The following RDX variants were observed in gnomAD, a reference collection of about 807,000 sequenced individuals.
The protein encoded by RDX is radixin.
RDX carries 32 observed loss-of-function variants against 83.7 expected under a neutral mutation model. That is an observed-to-expected ratio of 0.38 (90% CI 0.29 to 0.51). The LOEUF (loss-of-function observed/expected upper bound fraction) is 0.51, where lower values mean the gene tolerates loss of function less well. Ranked by LOEUF, RDX falls within the 20% of genes least tolerant of loss-of-function variation. RDX has a pLI of 0.87. For synonymous variants in RDX, 229 were observed against 222.7 expected (o/e 1.03, Z -0.25); for missense variants, 600 against 689.9 (o/e 0.87, Z 1.46).
rs886047645 is a variant in RDX, at chr11:110,231,406, T to C, written c.*463A>G. 4 of 219,038 alleles carry C rather than the reference T, an allele frequency of 1.8e-5. No homozygotes were observed. In the East Asian group the frequency reaches 3.2e-4, roughly 18 times the overall value. 13.6% of individuals were successfully genotyped at this position (219,038 alleles called of 1,614,324 possible). A position where few individuals can be genotyped will look rare whatever the true frequency, so the allele number is the denominator to read the frequency against. On this transcript the variant is annotated 3_prime_UTR_variant, in exon 14 of 14. Transcript: ENST00000645495. Reference sequence around the variant, plus strand: ...CCTGATCTGTATGATGGTGGAATTATGGCTATGGACATGGCAGATAAGAGA... The same window carrying C: ...CCTGATCTGTATGATGGTGGAATTACGGCTATGGACATGGCAGATAAGAGA...
intron 3 of RDX, among the ~76,000 whole-genome samples, chr11:110,266,257 C>T (rs1334874440): frequency 6.6e-6 from 1 of 151,688 alleles, no homozygotes; most frequent in African/African-American, 2.4e-5. Flanking sequence ...GGCGTGAACC[C>T]GGGAAGCGGA....
intron 1 of RDX, among the ~76,000 whole-genome samples, chr11:110,280,853 A>G (rs966272194): frequency 1.3e-5 from 2 of 151,222 alleles, no homozygotes; most frequent in Non-Finnish European, 2.9e-5. Context: ...AAAAAATGTT[A>G]TTGATTGCTG....
downstream of RDX, among the ~76,000 whole-genome samples, chr11:110,228,643 A>G (rs1864508943): frequency 6.6e-6 from 1 of 151,968 alleles, no homozygotes; most frequent in Non-Finnish European, 1.5e-5. Flanking sequence ...AATTATTTTC[A>G]TTTCTAAAAA....
chr11:110,201,903 TTGTGTGTGTGTG>T lies in RDX; in HGVS notation c.1749-2237_1749-2226del, dbSNP rs141731309. ...CACATGCCACCACATCCGGCTAATT[TTGTGTGTGTGTG>T]TGTGTGTGTGTGTGTGTGTGTGTGT... On this transcript the variant is annotated intron_variant, in intron 14 of 15. Coordinates refer to the RDX transcript ENST00000528498. 7.0e-3 allele frequency among the ~76,000 whole-genome samples: 956 copies of T among 137,306 alleles called. 2 individuals carry two copies. Among genetic ancestry groups the T allele is most frequent in the African/African-American group, 0.012 (433 of 37,578 alleles). 90.1% of individuals were successfully genotyped at this position (137,306 alleles called of 152,430 possible).
At chr11:110,211,061 G>T (rs1026306085) in intron 14 of RDX, among the ~76,000 whole-genome samples, 1 of 152,278 alleles carries the variant, frequency 6.6e-6, no homozygotes, top group South Asian at 2.1e-4. Flanking sequence ...TGGATAAAGA[G>T]TCAAGACCCA....
chr11:110,216,561 A>G (rs1345079338), intron 14 of RDX, among the ~76,000 whole-genome samples: 1 of 144,908 alleles, frequency 6.9e-6, no homozygotes, highest in African/African-American at 2.6e-5. Flanking sequence ...TTTTTTAAAT[A>G]GAGAGGAGGT....
intron 15 of RDX, among the ~76,000 whole-genome samples, chr11:110,183,576 T>G (rs11213294): frequency 2.6e-5 from 4 of 152,126 alleles, no homozygotes; most frequent in Non-Finnish European, 4.4e-5. Flanking sequence ...CTTCTGCCTC[T>G]GCCTCCCAAA....
intron 15 of RDX, among the ~76,000 whole-genome samples, chr11:110,189,286 A>G (rs1056158291): frequency 7.0e-6 from 1 of 143,078 alleles, no homozygotes; most frequent in Non-Finnish European, 1.5e-5. Context: ...GCATTACATA[A>G]TGACAAAGGG....
intron 15 of RDX, among the ~76,000 whole-genome samples, chr11:110,181,307 C>G (rs941448161): frequency 2.0e-5 from 3 of 152,124 alleles, no homozygotes; most frequent in African/African-American, 7.2e-5. Context: ...GGATTATAGG[C>G]ACCCGCCACC....
At chr11:110,199,944 A>G (rs1863345018) in intron 14 of RDX, among the ~76,000 whole-genome samples, 1 of 152,206 alleles carries the variant, frequency 6.6e-6, no homozygotes, top group South Asian at 2.1e-4. Flanking sequence ...TAGACTTCAA[A>G]TAGTGCAGCA....
chr11:110,258,730 C>A (rs1260419163), intron 5 of RDX, among the ~76,000 whole-genome samples: 1 of 152,186 alleles, frequency 6.6e-6, no homozygotes, highest in African/African-American at 2.4e-5. Flanking sequence ...TTTTTTGCTA[C>A]TAATTTTGTT....
chr11:110,219,214 C>CA (rs1201222486), intron 14 of RDX, among the ~76,000 whole-genome samples: 1 of 152,118 alleles, frequency 6.6e-6, no homozygotes, highest in Non-Finnish European at 1.5e-5. Flanking sequence ...AAGTGTCTTC[C>CA]AAGCTGAGTA....
At chr11:110,279,597 A>C in intron 2 of RDX, 84 bp downstream of exon 2, 1 of 921,882 alleles carries the variant, frequency 1.1e-6, no homozygotes, top group East Asian at 2.4e-5. Flanking sequence ...CAACAACTCT[A>C]CCAACATTCT....
chr11:110,289,107 G>A lies in RDX; in HGVS notation c.-65+7360C>T, dbSNP rs111361167. Among the ~76,000 whole-genome samples the A allele has an allele frequency of 5.9e-3, 900 of 152,010 alleles. 6 individuals carry two copies. Among genetic ancestry groups the A allele is most frequent in the Non-Finnish European group, 0.01 (693 of 67,968 alleles). The stretch of plus-strand genomic sequence containing the variant: ...TAAAAAATTAGCCGAGCGTGGTGGC[G>A]CATGCCTGTAATCCCAGCTACTTGA... On this transcript the variant is annotated intron_variant, in intron 1 of 13. Transcript: ENST00000645495.
intron 5 of RDX, 46 bp from the exon 6 acceptor site, chr11:110,258,235 C>G: frequency 1.6e-6 from 2 of 1,232,246 alleles, no homozygotes; most frequent in Non-Finnish European, 2.3e-6. Flanking sequence ...CTTTAAGATT[C>G]AAAAGCATAC....
chr11:110,217,103 G>A (rs1332654916), intron 14 of RDX, among the ~76,000 whole-genome samples: 1 of 152,170 alleles, frequency 6.6e-6, no homozygotes, highest in Non-Finnish European at 1.5e-5. Flanking sequence ...GATTTAAACA[G>A]AGGAACAAGA....
At chr11:110,294,364 A>C (rs1180840872) in intron 1 of RDX, among the ~76,000 whole-genome samples, 1 of 152,246 alleles carries the variant, frequency 6.6e-6, no homozygotes. Context: ...ACTGCATATC[A>C]CCCTGGGAGA....
chr11:110,231,397 GTGGAATTATGGCTA>G lies in RDX; in HGVS notation c.*458_*471del, dbSNP rs1416925325. 4.7e-6 allele frequency: 1 copy of G among 213,114 alleles called. No individual in the cohort carries two copies. Among genetic ancestry groups the G allele is most frequent in the Non-Finnish European group, 9.5e-6 (1 of 105,094 alleles). The allele number at this position is 213,114 out of a possible 1,614,324, so 13.2% of individuals were successfully genotyped here. A position where few individuals can be genotyped will look rare whatever the true frequency, so the allele number is the denominator to read the frequency against. ...TAAACACTGCCTGATCTGTATGATGGTGGAATTATGGCTATGGACATGGCAGATAAGAGAAGGGC... is the reference window on the plus strand; with the variant it reads ...TAAACACTGCCTGATCTGTATGATGGTGGACATGGCAGATAAGAGAAGGGC... On this transcript the variant is annotated 3_prime_UTR_variant, in exon 14 of 14. Coordinates refer to ENST00000645495, the MANE Select transcript of RDX (RefSeq NM_002906.4).
chr11:110,210,761 A>T (rs1408319494), intron 14 of RDX, among the ~76,000 whole-genome samples: 1 of 152,158 alleles, frequency 6.6e-6, no homozygotes, highest in Admixed American at 6.5e-5. Context: ...TGAAGGAGAA[A>T]TAAAATACTT....
Sources: allele counts gnomAD v4.1 joint callset (sites outside exome capture counted in the v4.1 genomes callset), GRCh38; gene constraint gnomAD v4.1.1; transcripts MANE v1.5; gene names NCBI Gene and HGNC (gene_info 2026-07-23, HGNC 2026-07-21).